Variants in TAF4 observed in about 807,000 individuals in gnomAD.
TAF4 encodes the protein TATA-box binding protein associated factor 4.
TAF4 carries 9 observed loss-of-function variants against 90.3 expected under a neutral mutation model. The observed-to-expected ratio is 0.10, with a 90% CI of 0.06 to 0.17. The LOEUF (loss-of-function observed/expected upper bound fraction) is 0.17. Ranked by LOEUF, TAF4 falls within the 10% of genes least tolerant of loss-of-function variation. TAF4 has a pLI of 1.00. For synonymous variants in TAF4, 818 were observed against 638.9 expected, an observed-to-expected ratio of 1.28 and a Z score of -4.23; for missense variants, 1,351 against 1,370.7, an observed-to-expected ratio of 0.99 and a Z score of 0.23.
At chr20:62,038,586 C>A (rs1224451815) in intron 1 of TAF4, among the ~76,000 whole-genome samples, 2 of 152,152 alleles carry the variant, frequency 1.3e-5, no homozygotes, top group African/African-American at 4.8e-5. Flanking sequence ...ATAAATTTAA[C>A]AAAGTATGTT....
intron 1 of TAF4, among the ~76,000 whole-genome samples, chr20:62,049,866 C>T (rs1177982634): frequency 1.3e-5 from 2 of 152,148 alleles, no homozygotes; most frequent in African/African-American, 4.8e-5. Flanking sequence ...ACCATCGTCA[C>T]AAAGACTAAA....
intron 14 of TAF4, among the ~76,000 whole-genome samples, chr20:61,996,142 C>T (rs1321220957): frequency 6.6e-6 from 1 of 152,126 alleles, no homozygotes. Flanking sequence ...AAGCATACCA[C>T]GTACAGGGAA....
intron 2 of TAF4, 109 bp from the exon 3 acceptor site, chr20:62,013,043 C>T: frequency 6.9e-7 from 1 of 1,459,778 alleles, no homozygotes; most frequent in Non-Finnish European, 9.1e-7. Context: ...CCAAGTGGGT[C>T]CCAGGCTTAT....
chr20:62,065,344 C>T lies in TAF4; in HGVS notation c.467G>A (p.Gly156Asp). The T allele has an allele frequency of 3.2e-6, 3 of 949,720 alleles. No individual in the cohort carries two copies. Among genetic ancestry groups the T allele is most frequent in the Non-Finnish European group, 3.7e-6 (3 of 810,570 alleles). 58.8% of individuals were successfully genotyped at this position (949,720 alleles called of 1,614,324 possible). ...VAAGPEPAPAGPAKPAGPAAL... is the reference protein window; with the variant it reads ...VAAGPEPAPADPAKPAGPAAL... ...GGCGGGGCCGGCGGGCTTGGCGGGG[C>T]CGGCGGGGGCGGGCTCGGGCCCCGC... is the stretch of plus-strand genomic sequence containing the variant. Residue 156 changes from glycine (G) to aspartate (D), a missense_variant, in exon 1 of 15, where the codon GGC becomes GAC. This residue lies in a region of TAF4 where 782 missense variants were observed against 536.6 expected (regional missense o/e 1.46). Coordinates refer to ENST00000252996, the MANE Select transcript of TAF4 (RefSeq NM_003185.4).
intron 1 of TAF4, among the ~76,000 whole-genome samples, chr20:62,046,912 T>C (rs1170732924): frequency 6.6e-6 from 1 of 152,240 alleles, no homozygotes; most frequent in Non-Finnish European, 1.5e-5. Context: ...TAACCGTTGT[T>C]TGTCGTCTTG....
intron 1 of TAF4, among the ~76,000 whole-genome samples, chr20:62,048,986 C>T (rs1314291630): frequency 6.7e-6 from 1 of 149,190 alleles, no homozygotes; most frequent in Non-Finnish European, 1.5e-5. Flanking sequence ...TCCATCCCCC[C>T]CTGGGCCCTC....
At chr20:62,012,534 A>G (rs1432887724) in intron 3 of TAF4, 1 of 302,016 alleles carries the variant, frequency 3.3e-6, no homozygotes, top group Non-Finnish European at 6.0e-6. Context: ...TAGTAAGGAC[A>G]TAGTTTTAAT....
chr20:62,048,833 C>A (rs1329233509), intron 1 of TAF4, among the ~76,000 whole-genome samples: 7 of 139,988 alleles, frequency 5.0e-5, no homozygotes, highest in African/African-American at 1.9e-4. Context: ...GCTCCGTACA[C>A]CCCCACCCCA....
intron 1 of TAF4, among the ~76,000 whole-genome samples, chr20:62,020,192 C>T (rs565296446): frequency 6.6e-6 from 1 of 152,232 alleles, no homozygotes; most frequent in African/African-American, 2.4e-5. Flanking sequence ...CAGCCCAGGA[C>T]GACAGGCCCC....
Position 62,064,786 on chromosome 20 carries a change from ACCCCCGGCGCCGGCG to A in TAF4, c.1010_1024del (p.Ala337_Gly341del), listed in dbSNP as rs1425249791. 9.5e-7 allele frequency: 1 copy of A among 1,053,308 alleles called. No individual in the cohort carries two copies. Among genetic ancestry groups the A allele is most frequent in the Non-Finnish European group, 1.1e-6 (1 of 879,984 alleles). The allele number at this position is 1,053,308 out of a possible 1,614,324, so 65.2% of individuals were successfully genotyped here. ...CACCCTCTTGGGCGACTCGGCCTTG[ACCCCCGGCGCCGGCG>A]CCGCAGCCGCCGCGCCGGGCCCGGG... is the stretch of plus-strand genomic sequence containing the variant. On this transcript the variant is annotated inframe_deletion, in exon 1 of 15. Transcript: ENST00000252996.
chr20:61,990,540 G>A (rs13045575), intron 14 of TAF4, among the ~76,000 whole-genome samples: 76,818 of 151,874 alleles, frequency 0.51, 20,008 homozygotes, highest in Middle Eastern at 0.66. Context: ...ACTGGACCCC[G>A]ACGGGCCTGG....
At chr20:61,978,667 C>A (rs1432999964) in intron 14 of TAF4, among the ~76,000 whole-genome samples, 4 of 116,568 alleles carry the variant, frequency 3.4e-5, no homozygotes, top group African/African-American at 1.3e-4. Flanking sequence ...CCAACCAAGG[C>A]CGGGGGCGAG....
intron 14 of TAF4, among the ~76,000 whole-genome samples, chr20:61,992,019 C>CGA (rs1568924446): frequency 6.6e-6 from 1 of 152,170 alleles, no homozygotes; most frequent in Non-Finnish European, 1.5e-5. Flanking sequence ...AAAAAACAGA[C>CGA]CTTCAGGTAC....
At chr20:62,044,937 G>A (rs1157735777) in intron 1 of TAF4, among the ~76,000 whole-genome samples, 1 of 152,204 alleles carries the variant, frequency 6.6e-6, no homozygotes, top group East Asian at 1.9e-4. Context: ...GCGAAGGCCA[G>A]GAGGAGACCC....
At chr20:61,979,044 T>C (rs1344863204) in intron 14 of TAF4, 4 of 153,290 alleles carry the variant, frequency 2.6e-5, no homozygotes, top group African/African-American at 7.2e-5. Flanking sequence ...ATAGGGTCTT[T>C]GCTTGCAGAA....
chr20:62,046,825 A>G (rs2145508352), intron 1 of TAF4, among the ~76,000 whole-genome samples: 2 of 152,244 alleles, frequency 1.3e-5, no homozygotes, highest in Middle Eastern at 6.8e-3. Flanking sequence ...GAGTCTAACT[A>G]TGTGAGCACC....
chr20:62,059,397 C>A (rs146959969), intron 1 of TAF4, among the ~76,000 whole-genome samples: 2 of 152,346 alleles, frequency 1.3e-5, no homozygotes, highest in African/African-American at 4.8e-5. Flanking sequence ...CATGGTCCAA[C>A]CATGGAAATA....
At chr20:62,046,735 G>A (rs2055995528) in intron 1 of TAF4, among the ~76,000 whole-genome samples, 1 of 152,220 alleles carries the variant, frequency 6.6e-6, no homozygotes, top group South Asian at 2.1e-4. Flanking sequence ...CGACACACGG[G>A]ATGGCTGTCA....
At chr20:62,018,830 G>A (rs1031830058) in intron 1 of TAF4, among the ~76,000 whole-genome samples, 3 of 152,246 alleles carry the variant, frequency 2.0e-5, no homozygotes, top group Non-Finnish European at 4.4e-5. Flanking sequence ...CAGCATCCTC[G>A]TCCAACCAAG....
Sources: gnomAD v4.1 joint callset for allele counts (sites outside exome capture counted in the v4.1 genomes callset) on GRCh38, gnomAD v4.1.1 for gene constraint, gnomAD v4.1.1 regional missense constraint, MANE v1.5 for transcripts, NCBI Gene and HGNC (gene_info 2026-07-23, HGNC 2026-07-21) for gene names.